The following DPP6 variants were observed in gnomAD, a reference collection of about 807,000 sequenced individuals.
DPP6 encodes the protein A-type potassium channel modulatory protein DPP6.
A neutral mutation model predicts 122.6 loss-of-function variants in DPP6; 69 were observed. The ratio of observed to expected loss-of-function variants is 0.56; its 90% confidence interval spans 0.46 to 0.69. DPP6 has a LOEUF of 0.69. Ranked by LOEUF, DPP6 falls within the 30% of genes least tolerant of loss-of-function variation. The pLI is 0.00. For synonymous variants in DPP6, 418 were observed against 433.1 expected, an observed-to-expected ratio of 0.97 and a Z score of 0.43; for missense variants, 928 against 1,116.9, an observed-to-expected ratio of 0.83 and a Z score of 2.41.
At chr7:154,421,931 A>C (rs765329319) in intron 1 of DPP6, among the ~76,000 whole-genome samples, 8 of 152,242 alleles carry the variant, frequency 5.3e-5, no homozygotes, top group Non-Finnish European at 1.0e-4. Flanking sequence ...GCTACAGGAC[A>C]TAGAAAGCAC....
At chr7:154,192,232 A>AT (rs1461710033) in intron 1 of DPP6, among the ~76,000 whole-genome samples, 2 of 152,110 alleles carry the variant, frequency 1.3e-5, no homozygotes, top group Non-Finnish European at 2.9e-5. Context: ...TTGAATTTCC[A>AT]TTTTTTCCCA....
intron 1 of DPP6, among the ~76,000 whole-genome samples, chr7:154,417,619 A>G (rs907043921): frequency 2.6e-5 from 4 of 151,932 alleles, no homozygotes; most frequent in African/African-American, 9.7e-5. Flanking sequence ...TGCCTTGGGC[A>G]GTGGCTCCAA....
chr7:153,759,655 G>T, the DPP6 span, among the ~76,000 whole-genome samples: 1 of 152,032 alleles, frequency 6.6e-6, no homozygotes, highest in Admixed American at 6.6e-5. Context: ...GAAGATGCTT[G>T]CAATGTGGAT....
intron 1 of DPP6, among the ~76,000 whole-genome samples, chr7:154,329,348 A>G (rs570495910): frequency 6.6e-6 from 1 of 152,368 alleles, no homozygotes; most frequent in East Asian, 1.9e-4. Flanking sequence ...GCTGGTGATC[A>G]GGGACGATGA....
intron 1 of DPP6, among the ~76,000 whole-genome samples, chr7:154,296,408 C>T (rs117529973): frequency 0.047 from 7,218 of 152,176 alleles, 261 homozygotes; most frequent in Non-Finnish European, 0.069. Context: ...TTCTATTAGA[C>T]GGTGAGACAG....
At chr7:154,138,037 A>G (rs1168437799) in intron 1 of DPP6, among the ~76,000 whole-genome samples, 2 of 152,230 alleles carry the variant, frequency 1.3e-5, no homozygotes, top group Non-Finnish European at 2.9e-5. Flanking sequence ...AAAAACATAG[A>G]CCAGTGTTCC....
chr7:154,793,223 T>A lies in DPP6; in HGVS notation c.1137-856T>A, dbSNP rs111814528. Among the ~76,000 whole-genome samples the A allele has an allele frequency of 1.8e-3, 267 of 152,262 alleles. 2 individuals carry two copies. Among genetic ancestry groups the A allele is most frequent in the Middle Eastern group, 0.01 (3 of 294 alleles). ...GATCTCATTATAGATAGAGAAGGGG[T>A]GAATGATTGAACGCGCATTAGCTGG... is the stretch of plus-strand genomic sequence containing the variant. On this transcript the variant is annotated intron_variant, in intron 10 of 25. Transcript: ENST00000377770.
chr7:153,918,671 C>T (rs1356290302), intron 1 of DPP6, among the ~76,000 whole-genome samples: 1 of 150,858 alleles, frequency 6.6e-6, no homozygotes, highest in African/African-American at 2.4e-5. Flanking sequence ...CAGACCACTA[C>T]AGATCATTGC....
At position 154,061,725 on chromosome 7, in the gene DPP6, G is replaced by A. The variant is rs561009767; in HGVS notation, c.243+8662G>A. 6.2e-4 allele frequency among the ~76,000 whole-genome samples: 59 copies of A among 94,472 alleles called. 2 individuals are homozygous for A. The highest frequency in any genetic ancestry group is 5.2e-3 in the Middle Eastern group (1 of 194). The allele number at this position is 94,472 out of a possible 152,430, so 62.0% of individuals were successfully genotyped here. On this transcript the variant is annotated intron_variant, in intron 1 of 25. Transcript: ENST00000377770. ...GGGGGAGGCAATCCCCGCGAGGCGG[G>A]GACTGCGAACCTCCCCCTTTCCTCC...
intron 1 of DPP6, among the ~76,000 whole-genome samples, chr7:154,141,525 CAATT>C (rs1293661915): frequency 1.2e-4 from 18 of 152,322 alleles, no homozygotes; most frequent in African/African-American, 3.4e-4. Flanking sequence ...ACAAATCAAT[CAATT>C]AATCAGTTAA....
the DPP6 span, among the ~76,000 whole-genome samples, chr7:153,873,119 A>G: frequency 6.6e-6 from 1 of 152,176 alleles, no homozygotes; most frequent in African/African-American, 2.4e-5. Context: ...GTGTGTGGCA[A>G]TCACGTGGTG....
intron 7 of DPP6, among the ~76,000 whole-genome samples, chr7:154,718,903 G>A (rs1397277334): frequency 6.6e-6 from 1 of 152,082 alleles, no homozygotes; most frequent in Non-Finnish European, 1.5e-5. Flanking sequence ...GCCTCCCAAA[G>A]TGAGTCTTCC....
chr7:154,523,241 G>A (rs1191935381), intron 3 of DPP6, among the ~76,000 whole-genome samples: 1 of 152,146 alleles, frequency 6.6e-6, no homozygotes, highest in Non-Finnish European at 1.5e-5. Flanking sequence ...TTGAGACGGA[G>A]TCTTACCCTA....
At chr7:154,587,889 G>A (rs555629665) in intron 5 of DPP6, 1 of 1,612,822 alleles carries the variant, frequency 6.2e-7, no homozygotes, top group Admixed American at 1.7e-5. Context: ...GGAGACCCTG[G>A]CTGGAGGATT....
chr7:154,714,022 C>G (rs1057342966), intron 7 of DPP6, among the ~76,000 whole-genome samples: 1 of 152,222 alleles, frequency 6.6e-6, no homozygotes, highest in Non-Finnish European at 1.5e-5. Flanking sequence ...TTCCACAGAT[C>G]TCTGGGGCAG....
the DPP6 span, among the ~76,000 whole-genome samples, chr7:153,753,496 C>A: frequency 6.6e-6 from 1 of 151,152 alleles, no homozygotes; most frequent in Non-Finnish European, 1.5e-5. Context: ...AGGAATCTAG[C>A]TCCACCAGGT....
intron 1 of DPP6, among the ~76,000 whole-genome samples, chr7:154,264,630 T>C (rs2150921444): frequency 6.6e-6 from 1 of 152,236 alleles, no homozygotes; most frequent in Middle Eastern, 3.4e-3. Flanking sequence ...ATGGTGATGA[T>C]GATGTTAATG....
intron 4 of DPP6, among the ~76,000 whole-genome samples, chr7:154,561,449 G>A (rs1007084854): frequency 6.6e-6 from 1 of 152,110 alleles, no homozygotes; most frequent in East Asian, 1.9e-4. Flanking sequence ...AAAATATCTG[G>A]AATGTATCTT....
intron 1 of DPP6, among the ~76,000 whole-genome samples, chr7:154,089,858 A>C (rs990703863): frequency 6.6e-6 from 1 of 152,132 alleles, no homozygotes; most frequent in Non-Finnish European, 1.5e-5. Context: ...ACAATTATCA[A>C]GTGTCAAAAC....
Sources: allele counts gnomAD v4.1 joint callset (sites outside exome capture counted in the v4.1 genomes callset), GRCh38; gene constraint gnomAD v4.1.1; transcripts MANE v1.5; gene names NCBI Gene and HGNC (gene_info 2026-07-23, HGNC 2026-07-21).